The following MED15 variants were observed in gnomAD, a reference collection of about 807,000 sequenced individuals.
MED15 encodes mediator complex subunit 15.
In MED15, 41 loss-of-function variants were observed where a neutral mutation model predicts 118.7. That is an observed-to-expected ratio of 0.35 (90% CI 0.27 to 0.45). The LOEUF (loss-of-function observed/expected upper bound fraction) is 0.45. MED15 is among the 20% of genes least tolerant of loss of function. The pLI is 1.00. For missense variants in MED15, 740 were observed against 1,025.5 expected (o/e 0.72, Z 3.80); for synonymous variants, 436 against 413.9 (o/e 1.05, Z -0.65).
chr22:20,580,454 C>T (rs1008699447), intron 9 of MED15, among the ~76,000 whole-genome samples: 8 of 152,056 alleles, frequency 5.3e-5, no homozygotes, highest in Non-Finnish European at 1.2e-4. Flanking sequence ...CAGGCACAGG[C>T]GCCTCTCTGG....
chr22:20,535,583 G>A (rs550536166), intron 1 of MED15, among the ~76,000 whole-genome samples: 9 of 149,650 alleles, frequency 6.0e-5, no homozygotes, highest in Non-Finnish European at 1.0e-4. Context: ...TTTTTGAGAC[G>A]GAGTCTCGCA....
At chr22:20,535,428 A>T (rs779470095) in intron 1 of MED15, among the ~76,000 whole-genome samples, 1 of 152,132 alleles carries the variant, frequency 6.6e-6, no homozygotes, top group Non-Finnish European at 1.5e-5. Context: ...CAGTTTCCTG[A>T]GGTTGGCTGG....
At chr22:20,574,855 G>A in intron 8 of MED15, 1 of 499,120 alleles carries the variant, frequency 2.0e-6, no homozygotes, top group Non-Finnish European at 3.7e-6. Flanking sequence ...ACCAGTGCAG[G>A]AGAGCAACCA....
intron 16 of MED15, chr22:20,585,502 T>C: frequency 1.4e-6 from 1 of 707,514 alleles, no homozygotes; most frequent in Non-Finnish European, 2.3e-6. Flanking sequence ...TGGCTTTGCT[T>C]GCCTGGGCCC....
intron 5 of MED15, among the ~76,000 whole-genome samples, chr22:20,555,488 C>G (rs1424564753): frequency 6.6e-6 from 1 of 152,220 alleles, no homozygotes; most frequent in Non-Finnish European, 1.5e-5. Context: ...TGAGTGCCAG[C>G]AACCACAACT....
intron 5 of MED15, 26 bp from the exon 6 acceptor site, chr22:20,564,424 G>C (rs750530898): frequency 1.9e-6 from 3 of 1,612,990 alleles, no homozygotes; most frequent in Non-Finnish European, 2.5e-6. Flanking sequence ...CCTGTGGACT[G>C]ACTGGCGACT....
Position 20,582,863 on chromosome 22 carries a change from G to T in MED15, c.1433G>T (p.Ser478Ile), listed in dbSNP as rs2057030556. 6.2e-7 allele frequency: 1 copy of T among 1,612,978 alleles called. No individual in the cohort carries two copies. Among genetic ancestry groups the T allele is most frequent in the African/African-American group, 1.3e-5 (1 of 74,888 alleles). ...NVSSGPAPSP[S>I]SFLPSPSPQP... ...AGCTCTGGCCCTGCCCCATCTCCCA[G>T]TAGCTTCCTGCCCAGCCCCTCACCG... Residue 478 changes from serine to isoleucine, a missense_variant, in exon 11 of 18, where the codon AGT becomes ATT. This residue lies in a region of MED15 where 384 missense variants were observed against 506.3 expected (regional missense o/e 0.76). Transcript: ENST00000263205.
chr22:20,541,361 C>G (rs1321799135), intron 2 of MED15, among the ~76,000 whole-genome samples: 1 of 152,198 alleles, frequency 6.6e-6, no homozygotes, highest in Non-Finnish European at 1.5e-5. Flanking sequence ...AAAAGATGCT[C>G]AACATCACTA....
At chr22:20,568,312 G>T (rs1267026329) in intron 7 of MED15, among the ~76,000 whole-genome samples, 1 of 152,196 alleles carries the variant, frequency 6.6e-6, no homozygotes, top group African/African-American at 2.4e-5. Context: ...AGACATCCCA[G>T]TGGGAGGGCC....
rs189391765 is a variant in MED15, at chr22:20,537,984, A to G, written c.156+780A>G. ...GGGTAGAGTGGGCTCTGTACTACGG[A>G]TACGTTTGATAAGCTTTTTCTTTTT... On this transcript the variant is annotated intron_variant, in intron 2 of 17. Coordinates refer to ENST00000263205, the MANE Select transcript of MED15 (RefSeq NM_001003891.3). 5.9e-4 allele frequency among the ~76,000 whole-genome samples: 90 copies of G among 152,260 alleles called. 4 individuals carry two copies. The highest frequency in any genetic ancestry group is 2.1e-3 in the African/African-American group (89 of 41,550).
chr22:20,553,081 A>C lies in MED15; in HGVS notation c.209-64A>C, dbSNP rs372267551. On this transcript the variant is annotated intron_variant, in intron 3 of 17. Transcript: ENST00000263205. ...AAATGCCTACAGAACTGACCTACCC[A>C]TGGAAATATGTGGTTATATAAAACT... is the stretch of plus-strand genomic sequence containing the variant. 4.0e-6 allele frequency: 6 copies of C among 1,505,390 alleles called. No individual in the cohort carries two copies. The African/African-American group carries it at 6.9e-5, about 17-fold the overall frequency. 93.3% of individuals were successfully genotyped at this position (1,505,390 alleles called of 1,614,324 possible).
At chr22:20,543,799 C>T (rs950960037) in intron 2 of MED15, among the ~76,000 whole-genome samples, 10 of 152,034 alleles carry the variant, frequency 6.6e-5, no homozygotes, top group Non-Finnish European at 1.5e-4. Flanking sequence ...CTCAGGTGAT[C>T]TGCCTGCCTC....
chr22:20,554,822 G>A (rs1464195552), intron 4 of MED15, 114 bp from the exon 5 acceptor site: 2 of 1,025,374 alleles, frequency 2.0e-6, no homozygotes, highest in South Asian at 1.6e-5. Flanking sequence ...GGGGCTGTGA[G>A]GGGATTGAGC....
intron 9 of MED15, among the ~76,000 whole-genome samples, chr22:20,580,647 G>T (rs149898587): frequency 1.7e-3 from 258 of 152,292 alleles, no homozygotes; most frequent in Non-Finnish European, 2.7e-3. Context: ...CCTCGGTGCC[G>T]TCTGTGGTTC....
rs2056454150 is a variant in MED15, at chr22:20,566,681, C to T, written c.905C>T (p.Pro302Leu). ...CATCACACACAGCACCACCAGCCGC[C>T]ACCACAGCCCCAGCAGCCTCCAGTT... is the stretch of plus-strand genomic sequence containing the variant. ...QMHHTQHHQP[P>L]PQPQQPPVAQ... Residue 302 changes from proline (P) to leucine (L), a missense_variant, in exon 7 of 18, where the codon CCA becomes CTA. Transcript: ENST00000263205. The T allele has an allele frequency of 6.2e-7, 1 of 1,614,172 alleles. No individual in the cohort carries two copies. Among genetic ancestry groups the T allele is most frequent in the South Asian group, 1.1e-5 (1 of 91,082 alleles).
chr22:20,586,031 C>T (rs1601656582), intron 17 of MED15, among the ~76,000 whole-genome samples: 1 of 152,242 alleles, frequency 6.6e-6, no homozygotes, highest in Non-Finnish European at 1.5e-5. Flanking sequence ...TCTCTGCTCC[C>T]ACTGTGTCCC....
At chr22:20,540,973 A>G (rs2055275303) in intron 2 of MED15, among the ~76,000 whole-genome samples, 1 of 152,200 alleles carries the variant, frequency 6.6e-6, no homozygotes, top group African/African-American at 2.4e-5. Context: ...TCACACCTGT[A>G]ATCCCAGCAC....
At position 20,585,019 on chromosome 22, in the gene MED15, T is replaced by C. The variant is rs746691220; in HGVS notation, c.1964+4T>C. On this transcript the variant is annotated splice_donor_region_variant and intron_variant, in intron 15 of 17. Coordinates refer to ENST00000263205, the MANE Select transcript of MED15 (RefSeq NM_001003891.3). ...CCATTCACGGCCCACCCATCACGTA[T>C]GTCCAGCTGGGCTGGGCTTTGCGGA... The C allele has an allele frequency of 1.2e-6, 2 of 1,613,964 alleles. No individual in the cohort carries two copies. Among genetic ancestry groups the C allele is most frequent in the African/African-American group, 1.3e-5 (1 of 75,052 alleles).
At chr22:20,586,465 T>A in intron 17 of MED15, 103 bp from the exon 18 acceptor site, 1 of 1,524,246 alleles carries the variant, frequency 6.6e-7, no homozygotes, top group Non-Finnish European at 8.9e-7. Flanking sequence ...TCCTGGTGCT[T>A]CGGCCCGCGC....
Sources: gnomAD v4.1 joint callset for allele counts (sites outside exome capture counted in the v4.1 genomes callset) on GRCh38, gnomAD v4.1.1 for gene constraint, gnomAD v4.1.1 regional missense constraint, MANE v1.5 for transcripts, NCBI Gene and HGNC (gene_info 2026-07-23, HGNC 2026-07-21) for gene names.